NOSTRIN: variants seen among roughly 807,000 people sequenced by gnomAD.
NOSTRIN encodes nitric oxide synthase trafficking.
In NOSTRIN, 63 loss-of-function variants were observed where a neutral mutation model predicts 59.0. The ratio of observed to expected loss-of-function variants is 1.07; its 90% CI spans 0.87 to 1.32. NOSTRIN has a LOEUF of 1.32. Ranked by LOEUF, NOSTRIN falls within the 40% of genes most tolerant of loss-of-function variation. NOSTRIN has a pLI of 0.00. For synonymous variants in NOSTRIN, 200 were observed against 165.4 expected, an observed-to-expected ratio of 1.21 and a Z score of -1.61; for missense variants, 512 against 473.1, an observed-to-expected ratio of 1.08 and a Z score of -0.76.
At chr2:168,816,970 A>G (rs1180562327) in intron 2 of NOSTRIN, among the ~76,000 whole-genome samples, 2 of 152,212 alleles carry the variant, frequency 1.3e-5, no homozygotes, top group East Asian at 3.8e-4. Flanking sequence ...TACTGGCATA[A>G]TATGTAGCAT....
upstream of NOSTRIN, among the ~76,000 whole-genome samples, chr2:168,800,638 C>A (rs953224896): frequency 6.6e-6 from 1 of 152,142 alleles, no homozygotes; most frequent in East Asian, 1.9e-4. Flanking sequence ...ATACAAAGAT[C>A]ACAGTAGGCT....
chr2:168,821,131 T>C (rs1686711965), intron 2 of NOSTRIN, among the ~76,000 whole-genome samples: 1 of 152,212 alleles, frequency 6.6e-6, no homozygotes, highest in African/African-American at 2.4e-5. Flanking sequence ...CTGAACATTA[T>C]AAAAAGCATT....
chr2:168,840,292 A>G (rs1165904904), intron 7 of NOSTRIN, among the ~76,000 whole-genome samples: 4 of 152,110 alleles, frequency 2.6e-5, no homozygotes, highest in Non-Finnish European at 5.9e-5. Flanking sequence ...GCACTTTGGG[A>G]GGCTGAAACG....
chr2:168,786,650 T>G (rs1034966563), intron 1 of NOSTRIN: 1 of 152,066 alleles, frequency 6.6e-6, no homozygotes, highest in Non-Finnish European at 1.5e-5. Context: ...TGCCAATATA[T>G]AAAACCCTAA....
chr2:168,861,857 T>C (rs1203525333), intron 14 of NOSTRIN, 103 bp from the exon 15 acceptor site: 2 of 1,025,038 alleles, frequency 2.0e-6, no homozygotes, highest in African/African-American at 3.2e-5. Flanking sequence ...AAAAATTTAA[T>C]ATATTGAAAC....
chr2:168,816,720 C>G (rs755041883), intron 2 of NOSTRIN, among the ~76,000 whole-genome samples: 1 of 152,166 alleles, frequency 6.6e-6, no homozygotes, highest in Admixed American at 6.5e-5. Context: ...CTCTTACACC[C>G]TGCACTGTAA....
At chr2:168,831,178 G>A (rs1241511023) in intron 5 of NOSTRIN, among the ~76,000 whole-genome samples, 1 of 152,188 alleles carries the variant, frequency 6.6e-6, no homozygotes, top group Non-Finnish European at 1.5e-5. Flanking sequence ...CCACACATTA[G>A]CTGTGTGATG....
At chr2:168,856,640 T>C (rs1414436712) in intron 11 of NOSTRIN, 50 bp from the exon 12 acceptor site, 4 of 1,533,338 alleles carry the variant, frequency 2.6e-6, no homozygotes, top group Admixed American at 1.7e-5. Context: ...CCTGGCTGTG[T>C]CCCACTGAGA....
chr2:168,841,477 G>A (rs972505267), intron 7 of NOSTRIN, among the ~76,000 whole-genome samples: 13 of 152,084 alleles, frequency 8.5e-5, no homozygotes. Context: ...TTTTGGTGAT[G>A]GGCAAGAGGG....
intron 7 of NOSTRIN, among the ~76,000 whole-genome samples, chr2:168,838,738 T>C (rs1297755737): frequency 6.6e-6 from 1 of 152,122 alleles, no homozygotes; most frequent in Non-Finnish European, 1.5e-5. Flanking sequence ...ATCATTCCTT[T>C]TGAAAGCCTT....
In NOSTRIN at chr2:168,824,660, A is replaced by G. The variant is rs1686953147; in HGVS notation, c.140A>G (p.Lys47Arg). ...QRANLEISYAKGLQKLASKLS... is the reference protein window; with the variant it reads ...QRANLEISYARGLQKLASKLS... ...GCAAACCTGGAAATTAGCTATGCCA[A>G]AGGACTTCAGAAACTGGCAAGCAAG... Residue 47 changes from lysine (K) to arginine (R), a missense_variant, in exon 3 of 16, where the codon AAA becomes AGA. By Grantham distance (26) the Lys-to-Arg change is conservative. Coordinates refer to ENST00000317647, the MANE Select transcript of NOSTRIN (RefSeq NM_001039724.4). 3 of 872,688 alleles carry G rather than the reference A, an allele frequency of 3.4e-6. No individual in the cohort carries two copies. The highest frequency in any genetic ancestry group is 4.0e-6 in the Non-Finnish European group (2 of 501,572). 54.1% of individuals were successfully genotyped at this position (872,688 alleles called of 1,614,324 possible). A position where few individuals can be genotyped will look rare whatever the true frequency, so the allele number is the denominator to read the frequency against.
intron 15 of NOSTRIN, among the ~76,000 whole-genome samples, chr2:168,863,858 T>G (rs187388180): frequency 1.3e-5 from 2 of 151,792 alleles, no homozygotes; most frequent in Non-Finnish European, 2.9e-5. Context: ...ATCAGCTACA[T>G]AGAAATAGAA....
intron 7 of NOSTRIN, among the ~76,000 whole-genome samples, chr2:168,836,659 T>C (rs1687739043): frequency 6.6e-6 from 1 of 152,068 alleles, no homozygotes; most frequent in African/African-American, 2.4e-5. Flanking sequence ...ATCCACACAC[T>C]CCTGGCACAG....
In NOSTRIN at chr2:168,816,888, G is replaced by A. The variant is rs548240078; in HGVS notation, c.113+5236G>A. Among the ~76,000 whole-genome samples, 3 of 152,294 alleles carry A rather than the reference G, an allele frequency of 2.0e-5. No homozygotes were observed. The South Asian group carries it at 6.2e-4, about 32-fold the overall frequency. ...ATGTTTGAGTGACTCTGCCTTGAAG[G>A]CACTCATAACGTTAATGAAGATCAA... On this transcript the variant is annotated intron_variant, in intron 2 of 15. Coordinates refer to ENST00000317647, the MANE Select transcript of NOSTRIN (RefSeq NM_001039724.4).
At chr2:168,805,281 G>A (rs1208790116) in intron 1 of NOSTRIN, among the ~76,000 whole-genome samples, 1 of 152,208 alleles carries the variant, frequency 6.6e-6, no homozygotes, top group Non-Finnish European at 1.5e-5. Context: ...CCTAAATGCT[G>A]TGTAGGATTA....
intron 15 of NOSTRIN, chr2:168,863,341 A>AGAT (rs1689598967): frequency 5.5e-6 from 5 of 906,008 alleles, no homozygotes; most frequent in Admixed American, 6.2e-5. Flanking sequence ...AATGTAGAAA[A>AGAT]GATAGAAAAG....
At chr2:168,788,114 C>T (rs1286332127) in intron 2 of NOSTRIN, 1 of 151,874 alleles carries the variant, frequency 6.6e-6, no homozygotes, top group East Asian at 1.9e-4. Context: ...GTGGTTTATA[C>T]CTGTAATTCA....
At chr2:168,841,894 A>G (rs1688131050) in intron 7 of NOSTRIN, among the ~76,000 whole-genome samples, 1 of 152,224 alleles carries the variant, frequency 6.6e-6, no homozygotes. Context: ...TACAAATATT[A>G]TGTACAAAAG....
chr2:168,859,720 G>GTGTT, intron 13 of NOSTRIN, 83 bp downstream of exon 13: 1 of 1,512,774 alleles, frequency 6.6e-7, no homozygotes, highest in South Asian at 1.3e-5. Flanking sequence ...GGCAAAAAAG[G>GTGTT]TGTTAGGAAT....
Sources: allele counts gnomAD v4.1 joint callset (sites outside exome capture counted in the v4.1 genomes callset), GRCh38; gene constraint gnomAD v4.1.1; transcripts MANE v1.5; gene names NCBI Gene and HGNC (gene_info 2026-07-23, HGNC 2026-07-21).